The following BMP6 variants were observed in gnomAD, a reference collection of about 807,000 sequenced individuals.
BMP6 encodes the protein VG-1-R.
BMP6 carries 17 observed loss-of-function variants against 54.1 expected under a neutral mutation model. That is an observed-to-expected ratio of 0.31 (90% CI 0.22 to 0.47). The LOEUF is 0.47. Ranked by LOEUF, BMP6 falls within the 20% of genes least tolerant of loss-of-function variation. The probability of loss-of-function intolerance (pLI) is 1.00; values close to 1 mark genes in which losing one functional copy is unlikely to be tolerated. For synonymous variants in BMP6, 328 were observed against 291.2 expected, an observed-to-expected ratio of 1.13 and a Z score of -1.28; for missense variants, 720 against 690.4, an observed-to-expected ratio of 1.04 and a Z score of -0.48.
At chr6:7,808,118 C>T (rs1052012043) in intron 1 of BMP6, among the ~76,000 whole-genome samples, 11 of 151,972 alleles carry the variant, frequency 7.2e-5, no homozygotes, top group Admixed American at 2.6e-4. Context: ...GATGGGGTTT[C>T]ACCGTGTTAG....
At chr6:7,877,609 C>G (rs1759641746) in intron 4 of BMP6, among the ~76,000 whole-genome samples, 1 of 151,006 alleles carries the variant, frequency 6.6e-6, no homozygotes, top group Admixed American at 6.6e-5. Flanking sequence ...GGTAACAGAG[C>G]AAGACTCTGT....
At chr6:7,753,759 C>T (rs554100371) in intron 1 of BMP6, among the ~76,000 whole-genome samples, 53 of 152,296 alleles carry the variant, frequency 3.5e-4, no homozygotes, top group African/African-American at 1.1e-3. Context: ...TATAGGTTTT[C>T]GTCTAACATC....
At position 7,736,050 on chromosome 6, in the gene BMP6, A is replaced by G. The variant is rs529331585; in HGVS notation, c.664+8431A>G. ...AGTGGTCCCTAAGGAAGTAATTTTG[A>G]TAGTCTATGACAATGTGGGATTTAT... On this transcript the variant is annotated intron_variant, in intron 1 of 6. Transcript: ENST00000283147. Among the ~76,000 whole-genome samples, 6 of 152,384 alleles carry G rather than the reference A, an allele frequency of 3.9e-5. No individual in the cohort carries two copies. In the South Asian group the frequency reaches 1.2e-3, roughly 32 times the overall value.
At chr6:7,772,308 C>G (rs923326828) in intron 1 of BMP6, among the ~76,000 whole-genome samples, 7 of 152,214 alleles carry the variant, frequency 4.6e-5, no homozygotes, top group Non-Finnish European at 7.3e-5. Flanking sequence ...ACTTTTCTTG[C>G]TTTCTCACAT....
chr6:7,819,130 A>T (rs1212734266), intron 1 of BMP6, among the ~76,000 whole-genome samples: 1 of 152,148 alleles, frequency 6.6e-6, no homozygotes, highest in Admixed American at 6.5e-5. Context: ...GTGAGTACAT[A>T]TGTGAGTGTG....
intron 4 of BMP6, among the ~76,000 whole-genome samples, chr6:7,869,057 C>T (rs573949236): frequency 7.2e-5 from 11 of 152,354 alleles, no homozygotes; most frequent in Middle Eastern, 3.4e-3. Flanking sequence ...CTCTGGCTGC[C>T]GTGACTCAGG....
chr6:7,862,718 C>G (rs1759356495), intron 4 of BMP6, among the ~76,000 whole-genome samples: 1 of 152,190 alleles, frequency 6.6e-6, no homozygotes, highest in Non-Finnish European at 1.5e-5. Context: ...CTCAGGCTGC[C>G]CGCATCATGA....
At chr6:7,794,002 G>C (rs1415520147) in intron 1 of BMP6, among the ~76,000 whole-genome samples, 1 of 152,186 alleles carries the variant, frequency 6.6e-6, no homozygotes, top group Non-Finnish European at 1.5e-5. Flanking sequence ...CCCAGCACAG[G>C]ATCCACAGGC....
chr6:7,777,481 T>C (rs1757878634), intron 1 of BMP6, among the ~76,000 whole-genome samples: 1 of 152,138 alleles, frequency 6.6e-6, no homozygotes, highest in Non-Finnish European at 1.5e-5. Context: ...CCCCTCTGGC[T>C]CCAGTATGGG....
intron 1 of BMP6, among the ~76,000 whole-genome samples, chr6:7,833,130 G>T (rs1758816625): frequency 6.6e-6 from 1 of 152,024 alleles, no homozygotes; most frequent in African/African-American, 2.4e-5. Flanking sequence ...GGACCCACTG[G>T]GTTTGAGACA....
chr6:7,880,197 C>T lies in BMP6; in HGVS notation c.1396C>T (p.His466Tyr). The change falls in exon 7 of 7, where the codon CAC (histidine) becomes TAC (tyrosine). Residue 466 changes from histidine to tyrosine, a missense_variant. Physicochemically the swap from His to Tyr is moderately conservative, Grantham distance 83. Coordinates refer to ENST00000283147, the MANE Select transcript of BMP6 (RefSeq NM_001718.6). The stretch of plus-strand genomic sequence containing the variant: ...CTCCCCTTCTGTTTTGGAACAGGTT[C>T]ACCTTATGAACCCCGAGTATGTCCC... ...TNHAIVQTLV[H>Y]LMNPEYVPKP... 6.2e-7 allele frequency: 1 copy of T among 1,614,186 alleles called. No individual in the cohort carries two copies. Among genetic ancestry groups the T allele is most frequent in the Non-Finnish European group, 8.5e-7 (1 of 1,180,030 alleles).
At chr6:7,753,544 C>G (rs908381539) in intron 1 of BMP6, among the ~76,000 whole-genome samples, 4 of 152,156 alleles carry the variant, frequency 2.6e-5, no homozygotes, top group Non-Finnish European at 5.9e-5. Context: ...AGCGGTAACC[C>G]AGCAGGGCCA....
At chr6:7,759,196 A>ATG (rs1561762175) in intron 1 of BMP6, among the ~76,000 whole-genome samples, 1,568 of 152,128 alleles carry the variant, frequency 0.01, 21 homozygotes, top group African/African-American at 0.036. Context: ...TCATTACCAT[A>ATG]TATGTATGTA....
At chr6:7,772,464 C>T (rs1422860196) in intron 1 of BMP6, among the ~76,000 whole-genome samples, 1 of 152,108 alleles carries the variant, frequency 6.6e-6, no homozygotes, top group Non-Finnish European at 1.5e-5. Context: ...AGTCAAACAG[C>T]CAGAACACTC....
rs916373135 is a variant in BMP6, at chr6:7,726,116, C to A, written c.-840C>A. ...CGCGCAGCAGAAAGCCCACGTTGGC[C>A]GCTGCGGGGAGCGCGGCGTGGAGAG... On this transcript the variant is annotated 5_prime_UTR_variant, in exon 1 of 7. Coordinates refer to ENST00000283147, the MANE Select transcript of BMP6 (RefSeq NM_001718.6). Among the ~76,000 whole-genome samples the A allele has an allele frequency of 6.6e-6, 1 of 152,220 alleles. No homozygotes were observed. Among genetic ancestry groups the A allele is most frequent in the Admixed American group, 6.5e-5 (1 of 15,288 alleles).
intron 4 of BMP6, among the ~76,000 whole-genome samples, chr6:7,868,175 A>C (rs1179219152): frequency 6.6e-6 from 1 of 152,228 alleles, no homozygotes; most frequent in Non-Finnish European, 1.5e-5. Context: ...AAGAGACCAA[A>C]GTCCCACCCA....
chr6:7,854,163 T>C (rs549472019), intron 2 of BMP6, among the ~76,000 whole-genome samples: 15 of 152,214 alleles, frequency 9.9e-5, no homozygotes, highest in Non-Finnish European at 2.2e-4. Flanking sequence ...TAGGTTTTTA[T>C]TTCTGGAAAC....
intron 1 of BMP6, among the ~76,000 whole-genome samples, chr6:7,735,533 T>A (rs1761941079): frequency 6.6e-6 from 1 of 152,216 alleles, no homozygotes; most frequent in Admixed American, 6.5e-5. Flanking sequence ...ATTTGTAGAC[T>A]CCCATATCGG....
At position 7,868,883 on chromosome 6, in the gene BMP6, CACCTCTCTCCCTCTCCCTCCTT is replaced by C. The variant is rs1404147421; in HGVS notation, c.1204+6386_1204+6407del. On this transcript the variant is annotated intron_variant, in intron 4 of 6. Transcript: ENST00000283147. ...GCCCACCTCTCTCCCTCTCCCTCCCCACCTCTCTCCCTCTCCCTCCTTCTCACCTGCTTTCTGTGGTGTCCCT... is the reference window on the plus strand; with the variant it reads ...GCCCACCTCTCTCCCTCTCCCTCCCCCTCACCTGCTTTCTGTGGTGTCCCT... 7.2e-5 allele frequency among the ~76,000 whole-genome samples: 11 copies of C among 152,284 alleles called. No individual in the cohort carries two copies. In the East Asian group the frequency reaches 1.9e-3, roughly 27 times the overall value.
Sources: allele counts gnomAD v4.1 joint callset (sites outside exome capture counted in the v4.1 genomes callset), GRCh38; gene constraint gnomAD v4.1.1; transcripts MANE v1.5; gene names NCBI Gene and HGNC (gene_info 2026-07-23, HGNC 2026-07-21).